Variants in MORN1 observed in about 807,000 individuals in gnomAD.
MORN1 encodes the protein MORN repeat containing 1, also known as MORN repeat-containing protein 1.
MORN1 carries 67 observed loss-of-function variants against 61.9 expected under a neutral mutation model. That is an observed-to-expected ratio of 1.08 (90% CI 0.89 to 1.33). MORN1 has a LOEUF of 1.33. Ranked by LOEUF, MORN1 falls within the 40% of genes most tolerant of loss-of-function variation. MORN1 has a pLI of 0.00. For synonymous variants in MORN1, 301 were observed against 292.0 expected (o/e 1.03, Z -0.31); for missense variants, 752 against 691.2 (o/e 1.09, Z -0.99).
Position 2,384,769 on chromosome 1 carries a change from A to G in MORN1, c.537+209T>C, listed in dbSNP as rs189015489. Among the ~76,000 whole-genome samples the G allele has an allele frequency of 1.3e-3, 193 of 152,352 alleles. No homozygotes were observed. In the Middle Eastern group the frequency reaches 0.014, roughly 11 times the overall value. Reference sequence around the variant, plus strand: ...CGTACCTCCTGAGTATACACAAGGCACACATATGAATACACTCCTGTTTTT... The same window carrying G: ...CGTACCTCCTGAGTATACACAAGGCGCACATATGAATACACTCCTGTTTTT... On this transcript the variant is annotated intron_variant, in intron 6 of 13. Transcript: ENST00000378531.
intron 10 of MORN1, chr1:2,355,336 G>A (rs1641739718): frequency 1.3e-5 from 19 of 1,510,888 alleles, no homozygotes; most frequent in Admixed American, 6.1e-5. Context: ...GTGGAGTGGC[G>A]CCGGGCCCTG....
chr1:2,364,172 A>G (rs1385613361), intron 8 of MORN1, among the ~76,000 whole-genome samples: 3 of 152,224 alleles, frequency 2.0e-5, no homozygotes, highest in Non-Finnish European at 2.9e-5. Flanking sequence ...CACAGAAAGT[A>G]GATGTAAGAG....
intron 3 of MORN1, chr1:2,387,930 C>T (rs999025241): frequency 2.4e-5 from 10 of 423,140 alleles, no homozygotes; most frequent in African/African-American, 1.8e-4. Flanking sequence ...CTCCCGGCAA[C>T]GAATCCCCAG....
chr1:2,338,517 T>C lies in MORN1; in HGVS notation c.1037-1667A>G, dbSNP rs1641329183. 5.3e-5 allele frequency among the ~76,000 whole-genome samples: 8 copies of C among 152,182 alleles called. No individual in the cohort carries two copies. In the South Asian group the frequency reaches 8.3e-4, roughly 16 times the overall value. On this transcript the variant is annotated intron_variant, in intron 10 of 13. Transcript: ENST00000378531. ...AGACACCAGCTCTGTATCCTAATCA[T>C]GCGGACACCCTCACCCTCGGCAAGG...
chr1:2,380,475 A>C (rs1040639819), intron 6 of MORN1, among the ~76,000 whole-genome samples: 3 of 152,220 alleles, frequency 2.0e-5, no homozygotes, highest in Non-Finnish European at 4.4e-5. Context: ...CGCCTCTTCA[A>C]AACAAAAAGT....
chr1:2,335,699 C>T (rs575210458), intron 12 of MORN1, among the ~76,000 whole-genome samples: 7 of 152,302 alleles, frequency 4.6e-5, no homozygotes, highest in East Asian at 3.9e-4. Flanking sequence ...GCCTGGCAGG[C>T]GGGTGGGAGC....
At chr1:2,346,506 CT>C (rs1641518560) in intron 10 of MORN1, among the ~76,000 whole-genome samples, 2 of 152,192 alleles carry the variant, frequency 1.3e-5, no homozygotes. Context: ...CTGCCTCAGC[CT>C]CCTGAGTAGC....
chr1:2,387,301 T>A (rs1642527094), intron 4 of MORN1, 118 bp downstream of exon 4: 1 of 783,522 alleles, frequency 1.3e-6, no homozygotes, highest in East Asian at 2.4e-5. Context: ...CCTACCTCCT[T>A]TCCAACCCTC....
At chr1:2,322,363 G>C in intron 13 of MORN1, 2 of 985,424 alleles carry the variant, frequency 2.0e-6, no homozygotes, top group African/African-American at 1.7e-5. Context: ...AGCTGAAATG[G>C]GGGCAGGAGT....
rs569968983 is a variant in MORN1 at position 2,336,862 on chromosome 1, G to T, written c.1037-12C>A. The T allele has an allele frequency of 1.0e-5, 16 of 1,550,428 alleles. No homozygotes were observed. Among genetic ancestry groups the T allele is most frequent in the Non-Finnish European group, 1.4e-5 (16 of 1,151,182 alleles). Reference sequence around the variant, plus strand: ...CGCATGTCCCCTGGCTGAGGAGACAGAATGAAGAAAGACCCTATGAGGGGC... The same window carrying T: ...CGCATGTCCCCTGGCTGAGGAGACATAATGAAGAAAGACCCTATGAGGGGC... On this transcript the variant is annotated splice_polypyrimidine_tract_variant and intron_variant, in intron 10 of 13. Transcript: ENST00000378531.
At chr1:2,356,352 G>A (rs1435484944) in intron 10 of MORN1, among the ~76,000 whole-genome samples, 1 of 152,174 alleles carries the variant, frequency 6.6e-6, no homozygotes, top group South Asian at 2.1e-4. Context: ...ACATTTATCT[G>A]CATGTGGAAG....
At position 2,370,795 on chromosome 1, in the gene MORN1, C is replaced by T. The variant is rs1446451872; in HGVS notation, c.745+1686G>A. Among the ~76,000 whole-genome samples the T allele has an allele frequency of 2.6e-5, 4 of 151,662 alleles. No homozygotes were observed. The East Asian group carries it at 5.8e-4, about 22-fold the overall frequency. ...TGGGCTCAAGGGACTCTCCCAATTT[C>T]AGCCTTCCGAGTAGCTGGGACCACA... On this transcript the variant is annotated intron_variant, in intron 8 of 13. Transcript: ENST00000378531.
rs775577862 is a variant in MORN1 at position 2,336,580 on chromosome 1, GA to G, written c.1171-33del. ...AGATTGGGCAGGAGGAGGGGAGAAG[GA>G]AAGGCTCAGAAGGTGGGCCTAGGAG... On this transcript the variant is annotated intron_variant, in intron 11 of 13. Coordinates refer to ENST00000378531, the MANE Select transcript of MORN1 (RefSeq NM_024848.3). 41 of 1,610,738 alleles carry G rather than the reference GA, an allele frequency of 2.5e-5. No individual in the cohort carries two copies. The African/African-American group carries it at 4.9e-4, about 19-fold the overall frequency.
intron 10 of MORN1, among the ~76,000 whole-genome samples, chr1:2,342,882 T>TTTATTTTATTTTATTTTAA (rs1641431967): frequency 1.0e-5 from 1 of 97,680 alleles, no homozygotes; most frequent in Non-Finnish European, 2.3e-5. Flanking sequence ...TTTTATTTTA[T>TTTATTTTATTTTATTTTAA]TTTATTTTAT....
chr1:2,385,430 G>GGGAGGC (rs1642471857), intron 5 of MORN1: 3 of 405,182 alleles, frequency 7.4e-6, no homozygotes, highest in African/African-American at 4.0e-5. Flanking sequence ...CCTAGCACTT[G>GGGAGGC]GGAGGCGGAG....
intron 6 of MORN1, among the ~76,000 whole-genome samples, chr1:2,383,392 C>T (rs559876273): frequency 2.0e-5 from 3 of 152,232 alleles, no homozygotes; most frequent in Non-Finnish European, 2.9e-5. Context: ...ACCTCTCTAC[C>T]ACCTGGGCTG....
At chr1:2,346,012 G>A (rs1641508680) in intron 10 of MORN1, among the ~76,000 whole-genome samples, 1 of 151,946 alleles carries the variant, frequency 6.6e-6, no homozygotes, top group African/African-American at 2.4e-5. Context: ...CTCAGACAAA[G>A]CCACCAGGAA....
intron 10 of MORN1, among the ~76,000 whole-genome samples, chr1:2,343,041 G>C (rs1641436754): frequency 6.6e-6 from 1 of 151,970 alleles, no homozygotes; most frequent in Non-Finnish European, 1.5e-5. Flanking sequence ...CAGCTCCCCT[G>C]CCTTTCCTGA....
intron 10 of MORN1, among the ~76,000 whole-genome samples, chr1:2,349,833 G>T (rs1011234152): frequency 3.3e-5 from 5 of 152,128 alleles, no homozygotes; most frequent in African/African-American, 1.2e-4. Context: ...TGTCCAACAC[G>T]TGTAAGAGAA....
Sources: allele counts gnomAD v4.1 joint callset (sites outside exome capture counted in the v4.1 genomes callset), GRCh38; gene constraint gnomAD v4.1.1; transcripts MANE v1.5; gene names NCBI Gene and HGNC (gene_info 2026-07-23, HGNC 2026-07-21).